STKLD1: variants seen among roughly 807,000 people sequenced by gnomAD.
STKLD1 encodes the protein serine/threonine kinase-like domain-containing protein STKLD1.
STKLD1 carries 79 observed loss-of-function variants against 80.4 expected under a neutral mutation model. The observed-to-expected ratio is 0.98, with a 90% CI of 0.82 to 1.19. The LOEUF is 1.19. Ranked by LOEUF, STKLD1 falls within the 50% of genes most tolerant of loss-of-function variation. The probability of loss-of-function intolerance (pLI) is 0.00; values close to 1 mark genes in which losing one functional copy is unlikely to be tolerated. For synonymous variants in STKLD1, 393 were observed against 357.6 expected, an observed-to-expected ratio of 1.10 and a Z score of -1.12; for missense variants, 841 against 856.0, an observed-to-expected ratio of 0.98 and a Z score of 0.22.
rs1375142635 is a variant in STKLD1 at position 133,376,434 on chromosome 9, C to T, written c.-40C>T. ...TCCCACTGACCCACGCGGGGTGGGGCCAGGGGTGGACGCTCGCCCGTACGC... is the reference window on the plus strand; with the variant it reads ...TCCCACTGACCCACGCGGGGTGGGGTCAGGGGTGGACGCTCGCCCGTACGC... On this transcript the variant is annotated 5_prime_UTR_variant, in exon 1 of 18. Coordinates refer to ENST00000371957, the MANE Select transcript of STKLD1 (RefSeq NM_153710.5). 1 of 1,535,710 alleles carries T rather than the reference C, an allele frequency of 6.5e-7. No homozygotes were observed.
In STKLD1 at chr9:133,388,654, C is replaced by A. The variant is rs188794537; in HGVS notation, c.397-872C>A. 5.3e-6 allele frequency: 4 copies of A among 751,816 alleles called. No homozygotes were observed. In the Admixed American group the frequency reaches 2.5e-4, roughly 47 times the overall value. The allele number at this position is 751,816 out of a possible 1,614,324, so 46.6% of individuals were successfully genotyped here. A position where few individuals can be genotyped will look rare whatever the true frequency, so the allele number is the denominator to read the frequency against. On this transcript the variant is annotated intron_variant, in intron 5 of 17. Coordinates refer to ENST00000371957, the MANE Select transcript of STKLD1 (RefSeq NM_153710.5). ...GTTAGTGCCTTTGGAGTTTAAGAAG[C>A]ATTTCCTGCTCCAAGATCATGAAGA...
At chr9:133,387,842 T>C in intron 5 of STKLD1, 1 of 541,872 alleles carries the variant, frequency 1.8e-6, no homozygotes, top group East Asian at 4.5e-5. Flanking sequence ...CTGAAGTTCC[T>C]GTAAATGGAC....
chr9:133,382,808 G>A (rs1418364190), intron 2 of STKLD1, among the ~76,000 whole-genome samples: 1 of 150,856 alleles, frequency 6.6e-6, no homozygotes, highest in Admixed American at 6.6e-5. Context: ...TGATAGTGAC[G>A]ATGGTGACAG....
At position 133,403,863 on chromosome 9, in the gene STKLD1, G is replaced by A. The variant is rs76468681; in HGVS notation, c.1603+35G>A. The A allele has an allele frequency of 1.1e-3, 1,811 of 1,611,994 alleles. 27 individuals are homozygous for A. In the African/African-American group the frequency reaches 0.022, roughly 20 times the overall value. ...GTGGGCGCCCTGGGCCCCTGGGGCT[G>A]GGAGGGGTGGGCCTCATGGCACAGC... On this transcript the variant is annotated intron_variant, in intron 15 of 17. Transcript: ENST00000371957.
In STKLD1 at chr9:133,379,021, C is replaced by T. The variant is rs2130259242; in HGVS notation, c.88-15C>T. 1.9e-6 allele frequency: 3 copies of T among 1,610,808 alleles called. No homozygotes were observed. The highest frequency in any genetic ancestry group is 1.1e-5 in the South Asian group (1 of 90,738). On this transcript the variant is annotated splice_polypyrimidine_tract_variant and intron_variant, in intron 1 of 17. Coordinates refer to ENST00000371957, the MANE Select transcript of STKLD1 (RefSeq NM_153710.5). Reference sequence around the variant, plus strand: ...GTGTGCATTTCCTGAAAGCTTCTCTCTTCCTTGCTGATAGGTTTTGTACCA... The same window carrying T: ...GTGTGCATTTCCTGAAAGCTTCTCTTTTCCTTGCTGATAGGTTTTGTACCA...
In STKLD1 at chr9:133,389,643, G is replaced by A. The variant is rs1199988703; in HGVS notation, c.467+47G>A. The A allele has an allele frequency of 1.2e-6, 2 of 1,610,126 alleles. No individual in the cohort carries two copies. Among genetic ancestry groups the A allele is most frequent in the African/African-American group, 2.7e-5 (2 of 74,896 alleles). On this transcript the variant is annotated intron_variant, in intron 6 of 17. Coordinates refer to ENST00000371957, the MANE Select transcript of STKLD1 (RefSeq NM_153710.5). This position sits in a 1 kb window ranked among gnomAD's most constrained non-coding sequence, Gnocchi z 6.4. ...TGCGGACTGGCTGGCTGCTTCGGGA[G>A]AAAAGGCACTGAGGCCACTCGGGTG...
At chr9:133,388,219 T>C (rs1838306185) in intron 5 of STKLD1, among the ~76,000 whole-genome samples, 1 of 152,206 alleles carries the variant, frequency 6.6e-6, no homozygotes, top group African/African-American at 2.4e-5. Flanking sequence ...CCGATCCACA[T>C]GGAGGCCAGC....
In STKLD1 at chr9:133,405,660, G is replaced by C; in HGVS notation, c.*239G>C. Reference sequence around the variant, plus strand: ...TGCCTGCTTCCTCCTTCCAGGAACTGGTTTCTTGCGCGGAAAAAGTGCTCT... The same window carrying C: ...TGCCTGCTTCCTCCTTCCAGGAACTCGTTTCTTGCGCGGAAAAAGTGCTCT... On this transcript the variant is annotated 3_prime_UTR_variant, in exon 18 of 18. Coordinates refer to ENST00000371957, the MANE Select transcript of STKLD1 (RefSeq NM_153710.5). The C allele has an allele frequency of 2.4e-6, 1 of 409,064 alleles. No homozygotes were observed. The highest frequency in any genetic ancestry group is 4.3e-6 in the Non-Finnish European group (1 of 231,964). The allele number at this position is 409,064 out of a possible 1,614,324, so 25.3% of individuals were successfully genotyped here. A position where few individuals can be genotyped will look rare whatever the true frequency, so the allele number is the denominator to read the frequency against.
rs782192390 is a variant in STKLD1 at position 133,397,256 on chromosome 9, C to T, written c.959C>T (p.Thr320Ile). Reference sequence around the variant, plus strand: ...CGGCAGATGGTGCCTGCGTCCATCACCGACATGCTGTTAGAAGGCAACGTG... The same window carrying T: ...CGGCAGATGGTGCCTGCGTCCATCATCGACATGCTGTTAGAAGGCAACGTG... ...LHRQMVPASI[T>I]DMLLEGNVAS... is the part of the protein sequence containing the mutation. The change falls in exon 10 of 18, where the codon ACC becomes ATC. Residue 320 changes from threonine to isoleucine, a missense_variant. By Grantham distance (89) the Thr-to-Ile change is moderately conservative. Transcript: ENST00000371957. 8 of 1,613,884 alleles carry T rather than the reference C, an allele frequency of 5.0e-6. No homozygotes were observed. The East Asian group carries it at 1.1e-4, about 22-fold the overall frequency.
intron 7 of STKLD1, among the ~76,000 whole-genome samples, chr9:133,393,057 GGATGGGTGGGTGGGTA>G (rs1250430707): frequency 3.3e-4 from 43 of 129,076 alleles, no homozygotes; most frequent in Non-Finnish European, 5.6e-4. Flanking sequence ...GGTTGTAGAT[GGATGGGTGGGTGGGTA>G]GATGGGTGGG....
intron 11 of STKLD1, 114 bp downstream of exon 11, chr9:133,398,169 T>C: frequency 1.1e-6 from 1 of 911,486 alleles, no homozygotes; most frequent in Admixed American, 2.4e-5. Context: ...GCCAGTGCTT[T>C]ATTGCAGCGT....
chr9:133,388,900 C>T (rs1163383589), intron 5 of STKLD1: 1 of 985,244 alleles, frequency 1.0e-6, no homozygotes. Flanking sequence ...CCCTTCAAAA[C>T]ACGAAATATT....
chr9:133,387,170 C>T (rs2130278928), intron 4 of STKLD1, among the ~76,000 whole-genome samples: 2 of 152,072 alleles, frequency 1.3e-5, no homozygotes, highest in Non-Finnish European at 2.9e-5. Flanking sequence ...GCAGAGGGGT[C>T]CATGTGTGCA....
intron 2 of STKLD1, among the ~76,000 whole-genome samples, chr9:133,382,552 G>C (rs1838158524): frequency 6.6e-6 from 1 of 151,636 alleles, no homozygotes; most frequent in South Asian, 2.1e-4. Context: ...TGATGGTGGT[G>C]ATGGTGTGAT....
chr9:133,404,164 G>T (rs1838781093), intron 16 of STKLD1, 116 bp downstream of exon 16: 1 of 1,327,354 alleles, frequency 7.5e-7, no homozygotes. Context: ...AATCAAAAAG[G>T]AAAAGAAATT....
chr9:133,376,632 C>G (rs2119197012), intron 1 of STKLD1, 72 bp downstream of exon 1: 1 of 1,365,210 alleles, frequency 7.3e-7, no homozygotes. Flanking sequence ...CTACGGCCGG[C>G]GGTTCCGACC....
Position 133,394,741 on chromosome 9 carries a change from G to A in STKLD1, c.702+332G>A, listed in dbSNP as rs1471825638. ...CCCTTGTGAGCATGAAGGCTGCACG[G>A]AGTTGCAAGCAACGGGAACCCAGTG... is the stretch of plus-strand genomic sequence containing the variant. On this transcript the variant is annotated intron_variant, in intron 8 of 17. Transcript: ENST00000371957. The surrounding 1 kb of genome is among the most constrained non-coding windows in gnomAD (Gnocchi z 4.9). 1 of 317,868 alleles carries A rather than the reference G, an allele frequency of 3.1e-6. No individual in the cohort carries two copies. The highest frequency in any genetic ancestry group is 6.0e-6 in the Non-Finnish European group (1 of 167,620). The allele number at this position is 317,868 out of a possible 1,614,324, so 19.7% of individuals were successfully genotyped here. A position where few individuals can be genotyped will look rare whatever the true frequency, so the allele number is the denominator to read the frequency against.
Position 133,389,196 on chromosome 9 carries a change from T to C in STKLD1, c.397-330T>C. 1.0e-6 allele frequency: 1 copy of C among 985,408 alleles called. No individual in the cohort carries two copies. The highest frequency in any genetic ancestry group is 1.2e-6 in the Non-Finnish European group (1 of 829,916). 61.0% of individuals were successfully genotyped at this position (985,408 alleles called of 1,614,324 possible). On this transcript the variant is annotated intron_variant, in intron 5 of 17. Transcript: ENST00000371957. This position sits in a 1 kb window ranked among gnomAD's most constrained non-coding sequence, Gnocchi z 6.4. ...ACCTCTCCCATACCCGCAAGGCCGA[T>C]CTGCCTTCAGCTCCCAGCAAGTGTG...
In STKLD1 at chr9:133,405,377, G is replaced by T. The variant is rs1554778532; in HGVS notation, c.1999G>T (p.Gly667Ter). 6.2e-7 allele frequency: 1 copy of T among 1,612,084 alleles called. No homozygotes were observed. Among genetic ancestry groups the T allele is most frequent in the Non-Finnish European group, 8.5e-7 (1 of 1,179,900 alleles). ...CAGCAAACCAGGCCTCCCTCCAGGT[G>T]GAAGCCCCCAGCTGGGGTGCACCAC... is the stretch of plus-strand genomic sequence containing the variant. ...AFSKPGLPPG[G>*]SPQLGCTTSG... is the part of the protein sequence containing the mutation. The change falls in exon 18 of 18, where the codon GGA becomes TGA. Residue 667 changes from glycine to a stop codon, truncating the protein, a stop_gained. Coordinates refer to ENST00000371957, the MANE Select transcript of STKLD1 (RefSeq NM_153710.5). LOFTEE classifies it low-confidence loss of function (END_TRUNC).
Sources: gnomAD v4.1 joint callset for allele counts (sites outside exome capture counted in the v4.1 genomes callset) on GRCh38, gnomAD v4.1.1 for gene constraint, Gnocchi (gnomAD v3.1) non-coding constraint, MANE v1.5 for transcripts, NCBI Gene and HGNC (gene_info 2026-07-23, HGNC 2026-07-21) for gene names.